MCCC2: variants seen among roughly 807,000 people sequenced by gnomAD.
The protein encoded by MCCC2 is methylcrotonoyl-CoA carboxylase beta chain, mitochondrial.
MCCC2 carries 52 observed loss-of-function variants against 77.2 expected under a neutral mutation model. The observed-to-expected ratio is 0.67, with a 90% confidence interval of 0.54 to 0.85. The LOEUF (loss-of-function observed/expected upper bound fraction) is 0.85, where lower values mean the gene tolerates loss of function less well. Ranked by LOEUF, MCCC2 falls within the 40% of genes least tolerant of loss-of-function variation. The pLI, the probability that MCCC2 is intolerant of heterozygous loss-of-function variation, is 0.00. For missense variants in MCCC2, 682 were observed against 703.2 expected (o/e 0.97, Z 0.34); for synonymous variants, 253 against 248.4 (o/e 1.02, Z -0.18).
At position 71,611,967 on chromosome 5, in the gene MCCC2, T is replaced by G. The variant is rs574960189; in HGVS notation, c.624+7499T>G. On this transcript the variant is annotated intron_variant, in intron 6 of 16. Coordinates refer to ENST00000340941, the MANE Select transcript of MCCC2 (RefSeq NM_022132.5). ...CCATGCCCGGCTAATTTTTTGTATT[T>G]TTAGTAGAGACAGGGTTTCACCACA... Among the ~76,000 whole-genome samples the G allele has an allele frequency of 1.6e-4, 24 of 152,086 alleles. No homozygotes were observed. In the East Asian group the frequency reaches 4.6e-3, roughly 29 times the overall value.
intron 6 of MCCC2, among the ~76,000 whole-genome samples, chr5:71,609,343 C>T (rs1233103071): frequency 1.3e-5 from 2 of 152,096 alleles, no homozygotes; most frequent in African/African-American, 2.4e-5. Flanking sequence ...GATACCCTTT[C>T]TTACAGTTGA....
chr5:71,605,823 T>G (rs1369659884), intron 6 of MCCC2, among the ~76,000 whole-genome samples: 1 of 152,218 alleles, frequency 6.6e-6, no homozygotes, highest in African/African-American at 2.4e-5. Flanking sequence ...CAACACCATT[T>G]ATTAAATAGG....
intron 2 of MCCC2, among the ~76,000 whole-genome samples, chr5:71,593,612 C>T (rs1409478267): frequency 6.6e-6 from 1 of 150,508 alleles, no homozygotes; most frequent in Non-Finnish European, 1.5e-5. Context: ...CTGGACTGAA[C>T]CCCTGGCTCA....
rs1746747403 is a variant in MCCC2 at position 71,632,291 on chromosome 5, A to G, written c.803+106A>G. ...TCCAGTGCTAAACTTGCCAGACCAC[A>G]CCACAGTTTATTTGTTCTTGATCTG... On this transcript the variant is annotated intron_variant, in intron 8 of 16. Transcript: ENST00000340941. 6.0e-6 allele frequency: 6 copies of G among 1,002,770 alleles called. No homozygotes were observed. In the South Asian group the frequency reaches 6.5e-5, roughly 11 times the overall value. The allele number at this position is 1,002,770 out of a possible 1,614,324, so 62.1% of individuals were successfully genotyped here. A position where few individuals can be genotyped will look rare whatever the true frequency, so the allele number is the denominator to read the frequency against.
intron 5 of MCCC2, among the ~76,000 whole-genome samples, chr5:71,603,465 T>C (rs1195806944): frequency 6.6e-6 from 1 of 151,374 alleles, no homozygotes; most frequent in Non-Finnish European, 1.5e-5. Context: ...ACTGGGTTAG[T>C]CTGATAAAAT....
At chr5:71,654,699 C>A (rs890094172) in intron 16 of MCCC2, among the ~76,000 whole-genome samples, 3 of 152,054 alleles carry the variant, frequency 2.0e-5, no homozygotes, top group African/African-American at 7.2e-5. Flanking sequence ...AGAAAGATTG[C>A]ATCTTTTATT....
intron 7 of MCCC2, among the ~76,000 whole-genome samples, chr5:71,631,538 C>CTTTTTTTT (rs544704315): frequency 3.1e-5 from 4 of 128,324 alleles, no homozygotes; most frequent in African/African-American, 8.6e-5. Flanking sequence ...GGTCTTTCTT[C>CTTTTTTTT]TTTTTTTTTT....
rs114937270 is a variant in MCCC2, at chr5:71,603,692, C to G, written c.512-664C>G. Among the ~76,000 whole-genome samples the G allele has an allele frequency of 3.6e-3, 553 of 152,288 alleles. 3 individuals are homozygous for G. Among genetic ancestry groups the G allele is most frequent in the African/African-American group, 0.013 (532 of 41,580 alleles). On this transcript the variant is annotated intron_variant, in intron 5 of 16. Coordinates refer to ENST00000340941, the MANE Select transcript of MCCC2 (RefSeq NM_022132.5). The stretch of plus-strand genomic sequence containing the variant: ...GTGAGGAGGATTTTGTTGTCTCTGT[C>G]TTCAGCGAGCTCATAATGAATTGGA...
intron 6 of MCCC2, among the ~76,000 whole-genome samples, chr5:71,610,714 C>T (rs544452400): frequency 2.6e-5 from 4 of 152,304 alleles, no homozygotes; most frequent in South Asian, 2.1e-4. Flanking sequence ...AGGCCAGGCG[C>T]GGTGGCTCAC....
chr5:71,646,698 C>G (rs1173875761), intron 13 of MCCC2, among the ~76,000 whole-genome samples: 1 of 152,132 alleles, frequency 6.6e-6, no homozygotes, highest in Non-Finnish European at 1.5e-5. Flanking sequence ...CTAAGTGAAG[C>G]TATTTCTGAG....
Position 71,599,644 on chromosome 5 carries a change from C to T in MCCC2, c.282-15C>T. 5.6e-6 allele frequency: 9 copies of T among 1,597,334 alleles called. No individual in the cohort carries two copies. The highest frequency in any genetic ancestry group is 7.7e-6 in the Non-Finnish European group (9 of 1,164,716). On this transcript the variant is annotated splice_polypyrimidine_tract_variant and intron_variant, in intron 3 of 16. Coordinates refer to ENST00000340941, the MANE Select transcript of MCCC2 (RefSeq NM_022132.5). Reference sequence around the variant, plus strand: ...TAATGACATTAATTCAAACAACATCCTTTCTTCGCTTTAGGTCTCCATTTC... The same window carrying T: ...TAATGACATTAATTCAAACAACATCTTTTCTTCGCTTTAGGTCTCCATTTC...
Position 71,605,696 on chromosome 5 carries a change from G to T in MCCC2, c.624+1228G>T, listed in dbSNP as rs1745642748. ...GGTAATGCCTAGGTTTTCTTCTAGG[G>T]TTTTTATGGTTTTTGGTCTAATGTT... On this transcript the variant is annotated intron_variant, in intron 6 of 16. Transcript: ENST00000340941. 2.6e-5 allele frequency among the ~76,000 whole-genome samples: 4 copies of T among 152,030 alleles called. No homozygotes were observed. In the South Asian group the frequency reaches 8.3e-4, roughly 32 times the overall value.
chr5:71,593,711 A>G (rs1745070535), intron 2 of MCCC2, among the ~76,000 whole-genome samples: 1 of 152,094 alleles, frequency 6.6e-6, no homozygotes, highest in African/African-American at 2.4e-5. Flanking sequence ...TAGGCATTTA[A>G]TATTTCCTCC....
At chr5:71,636,750 G>A (rs1348563527) in intron 10 of MCCC2, 4 of 151,664 alleles carry the variant, frequency 2.6e-5, no homozygotes, top group African/African-American at 9.7e-5. Context: ...AAATAAAAGA[G>A]AAAAATGAGT....
chr5:71,619,015 T>C (rs1048296438), intron 6 of MCCC2, among the ~76,000 whole-genome samples: 2 of 152,230 alleles, frequency 1.3e-5, no homozygotes, highest in African/African-American at 4.8e-5. Context: ...CCATGCTTAG[T>C]TGCAGTTCCT....
chr5:71,648,065 G>A (rs1747319614), intron 13 of MCCC2, among the ~76,000 whole-genome samples: 1 of 152,184 alleles, frequency 6.6e-6, no homozygotes, highest in African/African-American at 2.4e-5. Flanking sequence ...TGAGGGTCCA[G>A]CTGAGTAGGA....
In MCCC2 at chr5:71,603,439, A is replaced by T. The variant is rs1745530019; in HGVS notation, c.511+806A>T. 2.2e-5 allele frequency among the ~76,000 whole-genome samples: 3 copies of T among 134,848 alleles called. No individual in the cohort carries two copies. The Admixed American group carries it at 2.3e-4, about 10-fold the overall frequency. 88.5% of individuals were successfully genotyped at this position (134,848 alleles called of 152,430 possible). A position where few individuals can be genotyped will look rare whatever the true frequency, so the allele number is the denominator to read the frequency against. ...TCAAAAAAAAAAAAAAAAAAAAAAA[A>T]TGGGCCTTTCCTGATACTGGGTTAG... On this transcript the variant is annotated intron_variant, in intron 5 of 16. Transcript: ENST00000340941.
In MCCC2 at chr5:71,602,600, G is replaced by A. The variant is rs727504009; in HGVS notation, c.478G>A (p.Ala160Thr). 8.1e-6 allele frequency: 13 copies of A among 1,614,018 alleles called. No individual in the cohort carries two copies. Among genetic ancestry groups the A allele is most frequent in the Admixed American group, 3.3e-5 (2 of 59,988 alleles). Residue 160 changes from alanine to threonine, a missense_variant, in exon 5 of 17, where the codon GCC becomes ACC. Transcript: ENST00000340941. ...AAAACAATTACGGGCCCAAGAAATT[G>A]CCATGCAAAACAGGCTCCCCTGCAT... ...VKKQLRAQEI[A>T]MQNRLPCIYL...
chr5:71,622,506 A>G (rs1436289107), intron 6 of MCCC2, among the ~76,000 whole-genome samples: 9 of 152,134 alleles, frequency 5.9e-5, no homozygotes, highest in Non-Finnish European at 1.3e-4. Context: ...GGCTTTTAGG[A>G]TATTCACAGA....
Sources: allele counts gnomAD v4.1 joint callset (sites outside exome capture counted in the v4.1 genomes callset), GRCh38; gene constraint gnomAD v4.1.1; transcripts MANE v1.5; gene names NCBI Gene and HGNC (gene_info 2026-07-23, HGNC 2026-07-21).